The following CDK12 variants were observed in gnomAD, a reference collection of about 807,000 sequenced individuals.
CDK12 encodes cyclin-dependent kinase 12.
A neutral mutation model predicts 133.8 loss-of-function variants in CDK12; 17 were observed. The ratio of observed to expected loss-of-function variants is 0.13; its 90% CI spans 0.09 to 0.19. CDK12 has a LOEUF of 0.19. CDK12 is among the 10% of genes least tolerant of loss of function. CDK12 has a pLI of 1.00. For missense variants in CDK12, 1,508 were observed against 1,818.7 expected (o/e 0.83, Z 3.11); for synonymous variants, 694 against 683.6 (o/e 1.02, Z -0.24).
At chr17:39,494,916 C>G (rs934919894) in intron 5 of CDK12, among the ~76,000 whole-genome samples, 12 of 151,786 alleles carry the variant, frequency 7.9e-5, no homozygotes, top group Non-Finnish European at 1.5e-4. Context: ...ACTACAGGCG[C>G]CCGCCACCAC....
chr17:39,530,326 C>T (rs572259099), intron 13 of CDK12: 36 of 355,724 alleles, frequency 1.0e-4, no homozygotes, highest in Non-Finnish European at 1.7e-4. Flanking sequence ...TAGAACAGTT[C>T]TTTAAAGGAA....
At position 39,476,711 on chromosome 17, in the gene CDK12, C is replaced by CATTTTTTTTTTTTTTTTT. The variant is rs1555553398; in HGVS notation, c.1931+4948_1931+4949insATTTTTTTTTTTTTTTTT. 3.1e-3 allele frequency among the ~76,000 whole-genome samples: 266 copies of CATTTTTTTTTTTTTTTTT among 84,532 alleles called. 105 individuals are homozygous for CATTTTTTTTTTTTTTTTT. The highest frequency in any genetic ancestry group is 3.8e-3 in the East Asian group (10 of 2,660). 55.5% of individuals were successfully genotyped at this position (84,532 alleles called of 152,430 possible). On this transcript the variant is annotated intron_variant, in intron 2 of 13. Coordinates refer to ENST00000447079, the MANE Select transcript of CDK12 (RefSeq NM_016507.4). Reference sequence around the variant, plus strand: ...TACAGGCATGAGCCACCATGCCTGCCTTTTTTTTTTTTTTTTTTTTTTTTT... The same window carrying CATTTTTTTTTTTTTTTTT: ...TACAGGCATGAGCCACCATGCCTGCCATTTTTTTTTTTTTTTTTTTTTTTTTTTTTTTTTTTTTTTTTT...
intron 11 of CDK12, among the ~76,000 whole-genome samples, chr17:39,524,205 A>AT (rs2054353405): frequency 6.6e-6 from 1 of 152,200 alleles, no homozygotes; most frequent in Non-Finnish European, 1.5e-5. Context: ...CACAAACCAA[A>AT]TTACACATAA....
At chr17:39,472,259 C>T (rs2049850545) in intron 2 of CDK12, among the ~76,000 whole-genome samples, 1 of 151,754 alleles carries the variant, frequency 6.6e-6, no homozygotes, top group Non-Finnish European at 1.5e-5. Flanking sequence ...GCTGGGATTA[C>T]AGGCATGAGC....
chr17:39,500,418 A>C (rs1340077429), intron 5 of CDK12, among the ~76,000 whole-genome samples: 1 of 152,058 alleles, frequency 6.6e-6, no homozygotes, highest in Non-Finnish European at 1.5e-5. Flanking sequence ...GGATCACCTG[A>C]GGTCAGGAGT....
chr17:39,499,753 A>C (rs150001425), intron 5 of CDK12, among the ~76,000 whole-genome samples: 1 of 151,668 alleles, frequency 6.6e-6, no homozygotes, highest in East Asian at 1.9e-4. Context: ...ACCTCAGGCA[A>C]TCCTTCTGCC....
intron 2 of CDK12, among the ~76,000 whole-genome samples, chr17:39,484,358 A>G (rs2050954092): frequency 6.6e-6 from 1 of 152,180 alleles, no homozygotes; most frequent in South Asian, 2.1e-4. Context: ...TGATATAGTT[A>G]GGGTACATCA....
rs1040377463 is a variant in CDK12, at chr17:39,511,690, G to T, written c.2768+60G>T. 2.5e-5 allele frequency: 28 copies of T among 1,100,592 alleles called. No individual in the cohort carries two copies. In the Admixed American group the frequency reaches 4.8e-4, roughly 19 times the overall value. 68.2% of individuals were successfully genotyped at this position (1,100,592 alleles called of 1,614,324 possible). On this transcript the variant is annotated intron_variant, in intron 8 of 13. Transcript: ENST00000447079. ...CTTACATACTGTTGACTTGTACTTT[G>T]TTTTCTCTGTACACTGGCTTTTTAG...
Position 39,533,451 on chromosome 17 carries a change from A to C in CDK12, c.*2135A>C, listed in dbSNP as rs1802993284. 1 of 233,192 alleles carries C rather than the reference A, an allele frequency of 4.3e-6. No individual in the cohort carries two copies. The highest frequency in any genetic ancestry group is 8.5e-6 in the Non-Finnish European group (1 of 117,926). 14.4% of individuals were successfully genotyped at this position (233,192 alleles called of 1,614,324 possible). A position where few individuals can be genotyped will look rare whatever the true frequency, so the allele number is the denominator to read the frequency against. On this transcript the variant is annotated 3_prime_UTR_variant, in exon 14 of 14. Coordinates refer to ENST00000447079, the MANE Select transcript of CDK12 (RefSeq NM_016507.4). ...TGGGCCCCACTCCCTGTTTTTTATT[A>C]AAGAACGTGAGCCTGGGATACTTTC...
At chr17:39,505,336 C>T (rs1408189934) in intron 6 of CDK12, among the ~76,000 whole-genome samples, 1 of 151,576 alleles carries the variant, frequency 6.6e-6, no homozygotes, top group Non-Finnish European at 1.5e-5. Context: ...ACCATCCTGG[C>T]CAACATGGTG....
chr17:39,494,222 C>T (rs916136178), intron 4 of CDK12, among the ~76,000 whole-genome samples: 1 of 151,930 alleles, frequency 6.6e-6, no homozygotes, highest in African/African-American at 2.4e-5. Flanking sequence ...TACAGGCATC[C>T]ACCACCACGC....
rs2144888919 is a variant in CDK12, at chr17:39,462,650, G to C, written c.579G>C (p.Gly193=). 6.2e-7 allele frequency: 1 copy of C among 1,614,054 alleles called. No individual in the cohort carries two copies. The highest frequency in any genetic ancestry group is 8.5e-7 in the Non-Finnish European group (1 of 1,180,014). ...KTRKERELKS[G]HKDRSKSHRK... ...GGAAAGAACGGGAGCTGAAGTCTGGGCACAAAGACCGGAGTAAAAGTCATC... is the reference window on the plus strand; with the variant it reads ...GGAAAGAACGGGAGCTGAAGTCTGGCCACAAAGACCGGAGTAAAAGTCATC... Residue 193 remains glycine, a synonymous_variant, in exon 1 of 14, where the codon GGG becomes GGC. Coordinates refer to ENST00000447079, the MANE Select transcript of CDK12 (RefSeq NM_016507.4).
chr17:39,466,412 C>T (rs1474275636), intron 1 of CDK12, among the ~76,000 whole-genome samples: 1 of 149,400 alleles, frequency 6.7e-6, no homozygotes, highest in African/African-American at 2.5e-5. Flanking sequence ...GTCGGGAGTT[C>T]GAGACCAGCC....
At chr17:39,514,571 C>T (rs1245019940) in intron 8 of CDK12, among the ~76,000 whole-genome samples, 2 of 152,066 alleles carry the variant, frequency 1.3e-5, no homozygotes, top group Non-Finnish European at 2.9e-5. Flanking sequence ...GAACTCCTGG[C>T]TTCAAGTGAT....
intron 3 of CDK12, chr17:39,556,960 T>C (rs2056186376): frequency 6.6e-6 from 1 of 152,230 alleles, no homozygotes; most frequent in South Asian, 2.1e-4. Context: ...CCTTTGGATT[T>C]AGCCTTGGGA....
intron 2 of CDK12, among the ~76,000 whole-genome samples, chr17:39,476,620 C>G (rs976163377): frequency 2.0e-5 from 3 of 150,528 alleles, no homozygotes; most frequent in Non-Finnish European, 4.4e-5. Flanking sequence ...GCCCTGTTGG[C>G]CAGGCTGGTC....
chr17:39,537,580 T>C (rs983986252), downstream of CDK12, among the ~76,000 whole-genome samples: 2 of 150,962 alleles, frequency 1.3e-5, no homozygotes, highest in Non-Finnish European at 2.9e-5. Flanking sequence ...TTTATTTATT[T>C]ATTTATTTTT....
intron 3 of CDK12, among the ~76,000 whole-genome samples, chr17:39,563,199 A>T (rs191179673): frequency 1.6e-3 from 238 of 151,814 alleles, no homozygotes; most frequent in African/African-American, 5.5e-3. Context: ...ACACACACTC[A>T]CACACACGAA....
At chr17:39,558,726 C>T (rs1183641036) in intron 3 of CDK12, among the ~76,000 whole-genome samples, 1 of 152,188 alleles carries the variant, frequency 6.6e-6, no homozygotes, top group Admixed American at 6.5e-5. Context: ...TCACTGCAAC[C>T]TCTGCCTCCT....
Sources: gnomAD v4.1 joint callset for allele counts (sites outside exome capture counted in the v4.1 genomes callset) on GRCh38, gnomAD v4.1.1 for gene constraint, MANE v1.5 for transcripts, NCBI Gene and HGNC (gene_info 2026-07-23, HGNC 2026-07-21) for gene names.